The following GPR89A variants were observed in gnomAD, a reference collection of about 807,000 sequenced individuals.
GPR89A encodes the protein golgi pH regulator A.
GPR89A carries 16 observed loss-of-function variants against 52.0 expected under a neutral mutation model. The observed-to-expected ratio is 0.31, with a 90% CI of 0.21 to 0.47. GPR89A has a LOEUF of 0.47. Ranked by LOEUF, GPR89A falls within the 20% of genes least tolerant of loss-of-function variation. The probability of loss-of-function intolerance (pLI) is 1.00; values close to 1 mark genes in which losing one functional copy is unlikely to be tolerated. For missense variants in GPR89A, 135 were observed against 449.4 expected (o/e 0.30, Z 6.33); for synonymous variants, 55 against 150.9 (o/e 0.36, Z 4.66).
At chr1:145,658,253 C>T (rs1553694842) in intron 10 of GPR89A, among the ~76,000 whole-genome samples, 2 of 151,590 alleles carry the variant, frequency 1.3e-5, no homozygotes. Flanking sequence ...GGCTGAGCCA[C>T]TGTACCCAGC....
intron 5 of GPR89A, 75 bp downstream of exon 5, chr1:145,623,789 T>G: frequency 3.8e-6 from 6 of 1,569,312 alleles, no homozygotes; most frequent in Non-Finnish European, 5.1e-6. Context: ...AAACAATTAA[T>G]TAAATTTCTT....
intron 10 of GPR89A, among the ~76,000 whole-genome samples, chr1:145,649,346 A>C (rs1168898959): frequency 6.6e-6 from 1 of 152,050 alleles, no homozygotes; most frequent in Non-Finnish European, 1.5e-5. Flanking sequence ...GCCTTCTCTC[A>C]TTATATATTA....
intron 12 of GPR89A, among the ~76,000 whole-genome samples, chr1:145,669,171 C>T (rs1254613629): frequency 6.6e-6 from 1 of 151,476 alleles, no homozygotes; most frequent in Non-Finnish European, 1.5e-5. Flanking sequence ...AAAGTGAGTC[C>T]TCTCTGGTAG....
At chr1:145,667,626 T>G (rs1343230882) in intron 12 of GPR89A, among the ~76,000 whole-genome samples, 4 of 152,302 alleles carry the variant, frequency 2.6e-5, no homozygotes, top group Non-Finnish European at 5.9e-5. Flanking sequence ...TTTCGGTGTT[T>G]TAGACATGAA....
chr1:145,634,631 A>C lies in GPR89A; in HGVS notation c.617+2887A>C, dbSNP rs2797002. ...TGTATGAATTTGAATCCTTGATCTAAAACTTAATGGTGTGACCTTGAACTA... is the reference window on the plus strand; with the variant it reads ...TGTATGAATTTGAATCCTTGATCTACAACTTAATGGTGTGACCTTGAACTA... On this transcript the variant is annotated intron_variant, in intron 7 of 13. Transcript: ENST00000313835. 4.3e-3 allele frequency among the ~76,000 whole-genome samples: 621 copies of C among 143,160 alleles called. 8 individuals are homozygous for C. Among genetic ancestry groups the C allele is most frequent in the African/African-American group, 0.01 (361 of 35,520 alleles). The allele number at this position is 143,160 out of a possible 152,430, so 93.9% of individuals were successfully genotyped here.
rs1649827916 is a variant in GPR89A at position 145,630,560 on chromosome 1, TA to T, written c.416-123del. The T allele has an allele frequency of 8.1e-6, 10 of 1,232,156 alleles. No individual in the cohort carries two copies. The South Asian group carries it at 1.2e-4, about 15-fold the overall frequency. 76.3% of individuals were successfully genotyped at this position (1,232,156 alleles called of 1,614,324 possible). ...TATAAATCATCTACACATTAATAATTAAAAGTTGGCTTGTATGAGTTAGTTA... is the reference window on the plus strand; with the variant it reads ...TATAAATCATCTACACATTAATAATTAAAGTTGGCTTGTATGAGTTAGTTA... On this transcript the variant is annotated intron_variant, in intron 5 of 13. Coordinates refer to ENST00000313835, the MANE Select transcript of GPR89A (RefSeq NM_001097612.2).
intron 10 of GPR89A, among the ~76,000 whole-genome samples, chr1:145,654,097 G>T (rs1651645656): frequency 6.6e-6 from 1 of 152,256 alleles, no homozygotes; most frequent in African/African-American, 2.4e-5. Context: ...GTAGTGGCTG[G>T]TAATAGTTTT....
intron 5 of GPR89A, among the ~76,000 whole-genome samples, chr1:145,629,563 G>A (rs1456745615): frequency 2.0e-5 from 3 of 152,144 alleles, no homozygotes; most frequent in African/African-American, 4.8e-5. Flanking sequence ...CATTTGTAAT[G>A]GCTCCAAAAT....
intron 10 of GPR89A, among the ~76,000 whole-genome samples, chr1:145,655,833 AG>A (rs1553694425): frequency 2.0e-5 from 3 of 152,062 alleles, no homozygotes. Context: ...GCTGCACTGA[AG>A]GGAATCCCCC....
chr1:145,655,186 A>G (rs1203606838), intron 10 of GPR89A, among the ~76,000 whole-genome samples: 3 of 151,698 alleles, frequency 2.0e-5, no homozygotes, highest in African/African-American at 7.3e-5. Flanking sequence ...TCTGGTTAAC[A>G]GCTCCTATAA....
chr1:145,650,756 T>G (rs1553693397), intron 10 of GPR89A, among the ~76,000 whole-genome samples: 1 of 151,748 alleles, frequency 6.6e-6, no homozygotes, highest in African/African-American at 2.4e-5. Context: ...GCTTGAGCTT[T>G]TTTTCATACG....
intron 1 of GPR89A, among the ~76,000 whole-genome samples, chr1:145,611,225 AT>A (rs1300732481): frequency 2.2e-5 from 3 of 135,502 alleles, no homozygotes; most frequent in East Asian, 2.1e-4. Flanking sequence ...TTTATTTTAG[AT>A]TTGGTACTTG....
intron 7 of GPR89A, among the ~76,000 whole-genome samples, chr1:145,642,935 G>A (rs1553691964): frequency 6.6e-6 from 1 of 152,050 alleles, no homozygotes; most frequent in African/African-American, 2.4e-5. Context: ...AGACTGAGAG[G>A]ACCAGGAGTG....
intron 2 of GPR89A, 121 bp downstream of exon 2, chr1:145,616,414 A>G: frequency 7.7e-6 from 6 of 778,496 alleles, no homozygotes; most frequent in Non-Finnish European, 6.4e-6. Flanking sequence ...AATAAGTACT[A>G]TATAACTATT....
At chr1:145,645,469 T>C in intron 8 of GPR89A, 1 of 410,388 alleles carries the variant, frequency 2.4e-6, no homozygotes, top group South Asian at 1.8e-5. Flanking sequence ...ATATCAGGAT[T>C]ATTTAACCTC....
intron 12 of GPR89A, among the ~76,000 whole-genome samples, chr1:145,667,309 T>C (rs587770206): frequency 6.6e-6 from 1 of 152,316 alleles, no homozygotes; most frequent in Admixed American, 6.5e-5. Context: ...CTCATTGTGG[T>C]TTTGATTTGC....
intron 7 of GPR89A, among the ~76,000 whole-genome samples, chr1:145,639,392 A>G (rs1262355862): frequency 6.6e-6 from 1 of 152,202 alleles, no homozygotes; most frequent in East Asian, 1.9e-4. Flanking sequence ...ATATAGCTAC[A>G]GTAATCAAGA....
intron 7 of GPR89A, among the ~76,000 whole-genome samples, chr1:145,634,527 A>G (rs1650091763): frequency 6.6e-6 from 1 of 150,624 alleles, no homozygotes; most frequent in Non-Finnish European, 1.5e-5. Context: ...AAGTACTTTT[A>G]AAATGTGTAT....
Position 145,623,452 on chromosome 1 carries a change from C to T in GPR89A, c.314-161C>T, listed in dbSNP as rs587598380. On this transcript the variant is annotated intron_variant, in intron 4 of 13. Transcript: ENST00000313835. ...CTTAAATTCAGCTAAATTTCTCTTACGATGGTAAGGATGCTTTCACTAAAA... is the reference window on the plus strand; with the variant it reads ...CTTAAATTCAGCTAAATTTCTCTTATGATGGTAAGGATGCTTTCACTAAAA... 330 of 850,998 alleles carry T rather than the reference C, an allele frequency of 3.9e-4. 5 individuals are homozygous for T. In the East Asian group the frequency reaches 7.7e-3, roughly 20 times the overall value. The allele number at this position is 850,998 out of a possible 1,614,324, so 52.7% of individuals were successfully genotyped here.
Sources: allele counts gnomAD v4.1 joint callset (sites outside exome capture counted in the v4.1 genomes callset), GRCh38; gene constraint gnomAD v4.1.1; transcripts MANE v1.5; gene names NCBI Gene and HGNC (gene_info 2026-07-23, HGNC 2026-07-21).